PODXL: variants seen among roughly 807,000 people sequenced by gnomAD.
PODXL encodes the protein podocalyxin like.
In PODXL, 20 loss-of-function variants were observed where a neutral mutation model predicts 48.9. The observed-to-expected ratio is 0.41, with a 90% CI of 0.29 to 0.59. PODXL has a LOEUF of 0.59. PODXL is among the 20% of genes least tolerant of loss of function. The pLI is 0.31. For missense variants in PODXL, 606 were observed against 675.1 expected (o/e 0.90, Z 1.13); for synonymous variants, 295 against 287.4 (o/e 1.03, Z -0.27).
chr7:131,549,885 T>C (rs550934042), intron 1 of PODXL, among the ~76,000 whole-genome samples: 1 of 152,054 alleles, frequency 6.6e-6, no homozygotes, highest in African/African-American at 2.4e-5. Flanking sequence ...TGGTGATATA[T>C]GTCGGGGAAG....
rs1798749811 is a variant in PODXL, at chr7:131,556,454, G to A, written c.-95C>T. Reference sequence around the variant, plus strand: ...AGGAGCGTGGGCGCCGCCCGGGGAGGCCTGTGGGTGGCTCCGGAGGCCAGG... The same window carrying A: ...AGGAGCGTGGGCGCCGCCCGGGGAGACCTGTGGGTGGCTCCGGAGGCCAGG... On this transcript the variant is annotated 5_prime_UTR_variant, in exon 1 of 9. Coordinates refer to ENST00000378555, the MANE Select transcript of PODXL (RefSeq NM_001018111.3). The A allele has an allele frequency of 7.9e-7, 1 of 1,272,730 alleles. No homozygotes were observed. The allele number at this position is 1,272,730 out of a possible 1,614,324, so 78.8% of individuals were successfully genotyped here.
chr7:131,556,226 G>A (rs950257470), intron 1 of PODXL, 34 bp downstream of exon 1: 2 of 1,444,886 alleles, frequency 1.4e-6, no homozygotes, highest in Admixed American at 2.7e-5. Flanking sequence ...TGGGCACGGT[G>A]GGAGTCCCGG....
At chr7:131,524,657 T>G (rs1383207224) in intron 1 of PODXL, among the ~76,000 whole-genome samples, 1 of 152,162 alleles carries the variant, frequency 6.6e-6, no homozygotes, top group Non-Finnish European at 1.5e-5. Context: ...CTGGTCAGAA[T>G]GCACAATGGT....
intron 1 of PODXL, among the ~76,000 whole-genome samples, chr7:131,519,569 C>T (rs1798061287): frequency 1.3e-5 from 2 of 150,184 alleles, no homozygotes; most frequent in Non-Finnish European, 3.0e-5. Context: ...TAATAAAGTG[C>T]CAAAAAGTCT....
chr7:131,527,418 G>A (rs1396133068), intron 1 of PODXL, among the ~76,000 whole-genome samples: 1 of 152,216 alleles, frequency 6.6e-6, no homozygotes, highest in Non-Finnish European at 1.5e-5. Context: ...TTTTACAGAG[G>A]ATTTAACAGT....
rs1434574401 is a variant in PODXL, at chr7:131,510,862, G to A, written c.672C>T (p.Tyr224=). The A allele has an allele frequency of 1.2e-6, 2 of 1,614,160 alleles. No individual in the cohort carries two copies. The highest frequency in any genetic ancestry group is 1.7e-5 in the Admixed American group (1 of 60,024). The stretch of plus-strand genomic sequence containing the variant: ...TGGTCATCCCCGGGCTTGTGAAGGT[G>A]TAGCCAGGGATAGCCACAGTGCTTG... ...SSSSTVAIPG[Y]TFTSPGMTTT... The change falls in exon 2 of 9, where the codon TAC becomes TAT. Residue 224 remains tyrosine (Y), a synonymous_variant. Coordinates refer to ENST00000378555, the MANE Select transcript of PODXL (RefSeq NM_001018111.3).
intron 1 of PODXL, 94 bp from the exon 2 acceptor site, chr7:131,511,527 G>A (rs960865295): frequency 3.5e-5 from 47 of 1,326,334 alleles, no homozygotes; most frequent in African/African-American, 2.4e-4. Flanking sequence ...GGCCTTGCTC[G>A]CAGCCCTGCT....
At chr7:131,511,532 C>T in intron 1 of PODXL, 99 bp from the exon 2 acceptor site, 2 of 1,268,274 alleles carry the variant, frequency 1.6e-6, no homozygotes, top group South Asian at 1.4e-5. Context: ...TGCTCGCAGC[C>T]CTGCTGTCTG....
At chr7:131,555,635 A>T (rs1283962253) in intron 1 of PODXL, among the ~76,000 whole-genome samples, 1 of 151,698 alleles carries the variant, frequency 6.6e-6, no homozygotes, top group African/African-American at 2.4e-5. Flanking sequence ...CGGAGGTAGG[A>T]CCCCCACTCA....
At chr7:131,547,730 C>T (rs1006280167) in intron 1 of PODXL, among the ~76,000 whole-genome samples, 3 of 152,206 alleles carry the variant, frequency 2.0e-5, no homozygotes, top group Non-Finnish European at 2.9e-5. Context: ...TAAAACTCCC[C>T]CCAAATCGGC....
At chr7:131,546,964 A>C (rs75096492) in intron 1 of PODXL, among the ~76,000 whole-genome samples, 3,526 of 152,254 alleles carry the variant, frequency 0.023, 152 homozygotes, top group African/African-American at 0.079. Flanking sequence ...AAGGGCCTTG[A>C]AGAAGAAAAC....
intron 1 of PODXL, among the ~76,000 whole-genome samples, chr7:131,514,131 A>G (rs1002765609): frequency 2.0e-5 from 3 of 152,188 alleles, no homozygotes; most frequent in African/African-American, 4.8e-5. Context: ...TTAAAAAGCA[A>G]TACAGGCTGG....
intron 1 of PODXL, among the ~76,000 whole-genome samples, chr7:131,550,559 T>A (rs962502655): frequency 1.3e-5 from 2 of 151,982 alleles, no homozygotes; most frequent in African/African-American, 4.8e-5. Context: ...GGCAGGAGGA[T>A]GTCTTGAATC....
At position 131,524,377 on chromosome 7, in the gene PODXL, CACAGAGAGAGAG is replaced by C. The variant is rs199838001; in HGVS notation, c.101-12956_101-12945del. Among the ~76,000 whole-genome samples the C allele has an allele frequency of 4.2e-4, 10 of 24,056 alleles. No homozygotes were observed. In the South Asian group the frequency reaches 9.8e-3, roughly 23 times the overall value. 15.8% of individuals were successfully genotyped at this position (24,056 alleles called of 152,430 possible). On this transcript the variant is annotated intron_variant, in intron 1 of 8. Transcript: ENST00000378555. The stretch of plus-strand genomic sequence containing the variant: ...ACACACACACGCACACACACACACA[CACAGAGAGAGAG>C]AGAGAGAGAGAGAGAGAGAAAACAA...
At chr7:131,538,988 GC>G (rs1049864679) in intron 1 of PODXL, among the ~76,000 whole-genome samples, 18 of 152,212 alleles carry the variant, frequency 1.2e-4, no homozygotes, top group Non-Finnish European at 2.4e-4. Flanking sequence ...TGGGCCTTGT[GC>G]CCAGGGACAG....
chr7:131,536,388 G>A (rs1045778859), intron 1 of PODXL, among the ~76,000 whole-genome samples: 1 of 152,154 alleles, frequency 6.6e-6, no homozygotes, highest in African/African-American at 2.4e-5. Context: ...ACCCCTCAGT[G>A]GGCAGATGCT....
intron 1 of PODXL, among the ~76,000 whole-genome samples, chr7:131,529,345 A>G (rs1242876209): frequency 1.3e-5 from 2 of 152,130 alleles, no homozygotes; most frequent in Non-Finnish European, 2.9e-5. Context: ...GGAGGAGAAG[A>G]CAGACTTCAG....
Position 131,501,678 on chromosome 7 carries a change from G to C in PODXL, c.*2633C>G, listed in dbSNP as rs138893218. On this transcript the variant is annotated 3_prime_UTR_variant, in exon 9 of 9. Transcript: ENST00000378555. ...CCACTGAAAGAGCTGATGATAAACT[G>C]TCTTTGCTACAACCTGTTTAAGTCA... 1.2e-3 allele frequency: 186 copies of C among 152,290 alleles called. No homozygotes were observed. The highest frequency in any genetic ancestry group is 4.3e-3 in the African/African-American group (177 of 41,560). The allele number at this position is 152,290 out of a possible 1,614,324, so 9.4% of individuals were successfully genotyped here. A position where few individuals can be genotyped will look rare whatever the true frequency, so the allele number is the denominator to read the frequency against.
chr7:131,502,434 A>G lies in PODXL; in HGVS notation c.*1877T>C, dbSNP rs943857339. 1.3e-5 allele frequency: 2 copies of G among 152,254 alleles called. No homozygotes were observed. Among genetic ancestry groups the G allele is most frequent in the Non-Finnish European group, 2.9e-5 (2 of 68,126 alleles). 9.4% of individuals were successfully genotyped at this position (152,254 alleles called of 1,614,324 possible). On this transcript the variant is annotated 3_prime_UTR_variant, in exon 9 of 9. Transcript: ENST00000378555. Reference sequence around the variant, plus strand: ...GAACCCCTGGCCTTCCTTTTCCCCTAGGATATCAGATGGCTACAGACTGTG... The same window carrying G: ...GAACCCCTGGCCTTCCTTTTCCCCTGGGATATCAGATGGCTACAGACTGTG...
Sources: allele counts gnomAD v4.1 joint callset (sites outside exome capture counted in the v4.1 genomes callset), GRCh38; gene constraint gnomAD v4.1.1; transcripts MANE v1.5; gene names NCBI Gene and HGNC (gene_info 2026-07-23, HGNC 2026-07-21).